CPNE8: variants seen among roughly 807,000 people sequenced by gnomAD.
CPNE8 encodes copine-8.
CPNE8 carries 45 observed loss-of-function variants against 81.5 expected under a neutral mutation model. The observed-to-expected ratio is 0.55, with a 90% CI of 0.44 to 0.71. CPNE8 has a LOEUF of 0.71. Among genes scored for constraint, CPNE8 ranks in the 30% least tolerant of loss-of-function variants. The probability of loss-of-function intolerance (pLI) is 0.00; values close to 1 mark genes in which losing one functional copy is unlikely to be tolerated. For missense variants in CPNE8, 594 were observed against 672.1 expected, an observed-to-expected ratio of 0.88 and a Z score of 1.28; for synonymous variants, 252 against 226.3, an observed-to-expected ratio of 1.11 and a Z score of -1.02.
At chr12:38,787,972 GAAA>G (rs35455026) in intron 6 of CPNE8, among the ~76,000 whole-genome samples, 1 of 93,794 alleles carries the variant, frequency 1.1e-5, no homozygotes, top group East Asian at 3.8e-4. Flanking sequence ...AAGTCTCCCA[GAAA>G]AAAAAAAAAA....
intron 1 of CPNE8, among the ~76,000 whole-genome samples, chr12:38,903,703 C>T (rs960966454): frequency 6.6e-6 from 1 of 152,192 alleles, no homozygotes; most frequent in African/African-American, 2.4e-5. Context: ...TGTAGGACTT[C>T]CGGCTATCCA....
chr12:38,677,504 A>G lies in CPNE8; in HGVS notation c.1322T>C (p.Val441Ala). Residue 441 changes from valine to alanine, a missense_variant, in exon 17 of 20, where the codon GTT becomes GCT. Val to Ala is a moderately conservative substitution (Grantham distance 64). Transcript: ENST00000331366. Reference sequence around the variant, plus strand: ...CATATCTGAGATAACACCATCTGTAACAATCAGAAGCACAAAATACTGGGA... The same window carrying G: ...CATATCTGAGATAACACCATCTGTAGCAATCAGAAGCACAAAATACTGGGA... ...DGSQYFVLLI[V>A]TDGVISDMAQ... The G allele has an allele frequency of 1.2e-6, 2 of 1,612,870 alleles. No homozygotes were observed. Among genetic ancestry groups the G allele is most frequent in the Non-Finnish European group, 1.7e-6 (2 of 1,179,164 alleles).
intron 1 of CPNE8, among the ~76,000 whole-genome samples, chr12:38,882,355 A>G (rs1360015192): frequency 6.6e-6 from 1 of 152,180 alleles, no homozygotes; most frequent in Admixed American, 6.5e-5. Flanking sequence ...GGAGCTGGAA[A>G]AGGCAAAGAA....
intron 11 of CPNE8, among the ~76,000 whole-genome samples, chr12:38,727,491 TA>T (rs376919669): frequency 1.3e-4 from 19 of 151,928 alleles, no homozygotes; most frequent in African/African-American, 3.9e-4. Flanking sequence ...AAACAAAACT[TA>T]AAAAAAATGT....
At chr12:38,717,427 G>GCATATATATATA (rs1940424595) in intron 13 of CPNE8, among the ~76,000 whole-genome samples, 1 of 69,728 alleles carries the variant, frequency 1.4e-5, no homozygotes, top group East Asian at 7.4e-4. Context: ...AGAAAGTGTG[G>GCATATATATATA]TGTATATATA....
intron 6 of CPNE8, among the ~76,000 whole-genome samples, chr12:38,803,179 C>A (rs982749292): frequency 5.5e-5 from 4 of 72,294 alleles, no homozygotes; most frequent in African/African-American, 9.2e-5. Flanking sequence ...CATTCTGATA[C>A]CAAAGCCGGG....
chr12:38,829,888 C>A (rs1474926349), intron 5 of CPNE8, among the ~76,000 whole-genome samples: 1 of 152,178 alleles, frequency 6.6e-6, no homozygotes, highest in Non-Finnish European at 1.5e-5. Context: ...GTAGCCTCAA[C>A]TAGGGTCCAC....
chr12:38,865,395 G>A (rs1442517909), intron 3 of CPNE8, among the ~76,000 whole-genome samples: 6 of 152,200 alleles, frequency 3.9e-5, no homozygotes, highest in Admixed American at 3.9e-4. Context: ...TCTGTCCAAA[G>A]TAGAATGGAT....
intron 2 of CPNE8, 143 bp from the exon 3 acceptor site, chr12:38,873,193 G>T: frequency 1.8e-6 from 1 of 556,424 alleles, no homozygotes; most frequent in Non-Finnish European, 3.2e-6. Context: ...AAAAAAAAAA[G>T]GCTAGTAAAT....
At chr12:38,832,571 G>A (rs1943305370) in intron 5 of CPNE8, among the ~76,000 whole-genome samples, 1 of 152,192 alleles carries the variant, frequency 6.6e-6, no homozygotes, top group African/African-American at 2.4e-5. Flanking sequence ...GGAAGTGTAA[G>A]GCTATAGAAG....
chr12:38,809,381 T>A (rs2177307), intron 6 of CPNE8, among the ~76,000 whole-genome samples: 134,076 of 151,824 alleles, frequency 0.88, 59,417 homozygotes, highest in Non-Finnish European at 0.92. Flanking sequence ...TCTAACTTTC[T>A]CTTGCATTGC....
At chr12:38,675,444 T>A (rs960688905) in intron 18 of CPNE8, among the ~76,000 whole-genome samples, 3 of 152,162 alleles carry the variant, frequency 2.0e-5, no homozygotes, top group African/African-American at 7.2e-5. Flanking sequence ...ACAAACTACC[T>A]CTAATGAAAT....
At position 38,776,318 on chromosome 12, in the gene CPNE8, A is replaced by T. The variant is rs767786187; in HGVS notation, c.408-17T>A. The stretch of plus-strand genomic sequence containing the variant: ...GGAATTCCTCTAAAACAACAAAAAT[A>T]TATTTATATACATTAATATGTTATA... On this transcript the variant is annotated splice_polypyrimidine_tract_variant and intron_variant, in intron 6 of 19. Coordinates refer to ENST00000331366, the MANE Select transcript of CPNE8 (RefSeq NM_153634.3). The T allele has an allele frequency of 3.3e-6, 4 of 1,197,376 alleles. No individual in the cohort carries two copies. The highest frequency in any genetic ancestry group is 4.8e-6 in the Non-Finnish European group (4 of 841,444). 74.2% of individuals were successfully genotyped at this position (1,197,376 alleles called of 1,614,324 possible).
At chr12:38,776,778 C>T (rs1941947914) in intron 6 of CPNE8, among the ~76,000 whole-genome samples, 1 of 151,750 alleles carries the variant, frequency 6.6e-6, no homozygotes, top group Non-Finnish European at 1.5e-5. Flanking sequence ...CATTGGTGGC[C>T]CCATAACATT....
At chr12:38,660,744 C>A (rs916022086) in intron 19 of CPNE8, among the ~76,000 whole-genome samples, 3 of 152,184 alleles carry the variant, frequency 2.0e-5, no homozygotes, top group African/African-American at 7.2e-5. Flanking sequence ...CCAGAATCTA[C>A]AAAGCACTTA....
chr12:38,759,827 GGCAT>G, intron 10 of CPNE8, among the ~76,000 whole-genome samples: 1 of 152,160 alleles, frequency 6.6e-6, no homozygotes. Context: ...TACACATGCT[GGCAT>G]GTGGCTCTGC....
intron 6 of CPNE8, among the ~76,000 whole-genome samples, chr12:38,816,117 T>C (rs1490573765): frequency 6.6e-6 from 1 of 152,196 alleles, no homozygotes; most frequent in Non-Finnish European, 1.5e-5. Flanking sequence ...AAGGCTATTA[T>C]AATTTTAAAA....
chr12:38,727,505 C>A (rs1054498677), intron 11 of CPNE8, among the ~76,000 whole-genome samples: 4 of 152,192 alleles, frequency 2.6e-5, no homozygotes, highest in Non-Finnish European at 4.4e-5. Flanking sequence ...AAAAATGTGT[C>A]TTTTCTAGAG....
chr12:38,888,745 C>A (rs1944270771), intron 1 of CPNE8, among the ~76,000 whole-genome samples: 2 of 151,974 alleles, frequency 1.3e-5, no homozygotes. Context: ...GCAGCCCATC[C>A]TACCTACAGT....
Sources: gnomAD v4.1 joint callset for allele counts (sites outside exome capture counted in the v4.1 genomes callset) on GRCh38, gnomAD v4.1.1 for gene constraint, MANE v1.5 for transcripts, NCBI Gene and HGNC (gene_info 2026-07-23, HGNC 2026-07-21) for gene names.